The following ERBB4 variants were observed in gnomAD, a reference collection of about 807,000 sequenced individuals.
ERBB4 encodes the protein erb-b2 receptor tyrosine kinase 4.
Under a neutral mutation model 158.0 loss-of-function variants are expected in ERBB4, and 42 were observed. The ratio of observed to expected loss-of-function variants is 0.27; its 90% CI spans 0.21 to 0.34. The LOEUF is 0.34. Among genes scored for constraint, ERBB4 ranks in the 10% least tolerant of loss-of-function variants. The pLI is 1.00. For synonymous variants in ERBB4, 583 were observed against 558.7 expected (o/e 1.04, Z -0.61); for missense variants, 1,333 against 1,624.1 (o/e 0.82, Z 3.08).
At chr2:211,682,532 T>G (rs185907081) in intron 12 of ERBB4, among the ~76,000 whole-genome samples, 1 of 152,164 alleles carries the variant, frequency 6.6e-6, no homozygotes, top group South Asian at 2.1e-4. Context: ...CCCAGTTAGG[T>G]TGATATATAA....
At chr2:212,283,805 C>G (rs2085851218) in intron 1 of ERBB4, among the ~76,000 whole-genome samples, 1 of 151,978 alleles carries the variant, frequency 6.6e-6, no homozygotes, top group Non-Finnish European at 1.5e-5. Context: ...TGACATACCA[C>G]AGTGAAGAGT....
intron 19 of ERBB4, among the ~76,000 whole-genome samples, chr2:211,614,853 T>C (rs754762854): frequency 1.3e-5 from 2 of 152,046 alleles, no homozygotes; most frequent in African/African-American, 2.4e-5. Flanking sequence ...CACATGAACA[T>C]TTCTTCAGAA....
intron 1 of ERBB4, among the ~76,000 whole-genome samples, chr2:212,408,584 A>G (rs1409517615): frequency 6.6e-6 from 1 of 152,094 alleles, no homozygotes; most frequent in Non-Finnish European, 1.5e-5. Context: ...TCAAAGCTGT[A>G]GTGAACTATG....
chr2:211,810,399 G>T (rs986934859), intron 3 of ERBB4, among the ~76,000 whole-genome samples: 3 of 152,160 alleles, frequency 2.0e-5, no homozygotes, highest in Admixed American at 2.0e-4. Flanking sequence ...ATATATTTAG[G>T]ATAGTTAGCT....
At chr2:212,532,690 T>G (rs1477910625) in intron 1 of ERBB4, among the ~76,000 whole-genome samples, 1 of 152,194 alleles carries the variant, frequency 6.6e-6, no homozygotes, top group Non-Finnish European at 1.5e-5. Flanking sequence ...TAACTTTTAG[T>G]GCTTTATTCG....
intron 25 of ERBB4, among the ~76,000 whole-genome samples, chr2:211,406,166 T>G (rs762084136): frequency 9.9e-5 from 15 of 152,232 alleles, no homozygotes; most frequent in Admixed American, 2.0e-4. Context: ...CCTTAACGTA[T>G]TCTCTTTGTC....
At chr2:211,587,342 G>A (rs774076667) in intron 19 of ERBB4, among the ~76,000 whole-genome samples, 14 of 152,110 alleles carry the variant, frequency 9.2e-5, no homozygotes, top group African/African-American at 1.2e-4. Context: ...GCAACAGAGC[G>A]AGACTGTGTC....
intron 2 of ERBB4, among the ~76,000 whole-genome samples, chr2:212,025,343 C>T (rs972184758): frequency 7.2e-5 from 11 of 151,746 alleles, no homozygotes; most frequent in African/African-American, 2.4e-4. Flanking sequence ...AAGTATTATT[C>T]TTTGTTTAAC....
chr2:212,188,516 A>G (rs2082097411), intron 1 of ERBB4, among the ~76,000 whole-genome samples: 1 of 151,882 alleles, frequency 6.6e-6, no homozygotes, highest in Non-Finnish European at 1.5e-5. Flanking sequence ...TAATGATGGC[A>G]GTCTCCTACA....
chr2:212,000,234 C>T (rs907781823), intron 2 of ERBB4, among the ~76,000 whole-genome samples: 3 of 151,794 alleles, frequency 2.0e-5, no homozygotes, highest in Non-Finnish European at 4.4e-5. Flanking sequence ...GACTAATCCT[C>T]AGATAATACA....
chr2:211,731,027 A>G (rs1008522966), intron 5 of ERBB4, among the ~76,000 whole-genome samples: 1 of 152,148 alleles, frequency 6.6e-6, no homozygotes, highest in Non-Finnish European at 1.5e-5. Flanking sequence ...AAAATCAAAC[A>G]AACAAAAATT....
chr2:211,456,634 C>T (rs1490430123), intron 20 of ERBB4, among the ~76,000 whole-genome samples: 2 of 152,036 alleles, frequency 1.3e-5, no homozygotes, highest in Non-Finnish European at 2.9e-5. Context: ...TGGTTCCCAA[C>T]ATTTTAGGAT....
At chr2:211,846,880 A>C (rs2077602007) in intron 3 of ERBB4, among the ~76,000 whole-genome samples, 1 of 152,174 alleles carries the variant, frequency 6.6e-6, no homozygotes, top group Non-Finnish European at 1.5e-5. Flanking sequence ...ATCTAATAGC[A>C]TTCAACTGTA....
chr2:211,641,568 T>C (rs2070592988), intron 16 of ERBB4, among the ~76,000 whole-genome samples: 1 of 152,118 alleles, frequency 6.6e-6, no homozygotes, highest in Non-Finnish European at 1.5e-5. Flanking sequence ...ATTTAAAATT[T>C]GACATTAAAT....
At chr2:212,514,631 C>T (rs1490856487) in intron 1 of ERBB4, among the ~76,000 whole-genome samples, 1 of 152,052 alleles carries the variant, frequency 6.6e-6, no homozygotes, top group African/African-American at 2.4e-5. Context: ...ATGGTAAAAC[C>T]CCGTCTCTAC....
At position 212,345,265 on chromosome 2, in the gene ERBB4, C is replaced by CAAAAAAAAAAAAAAAA. The variant is rs367985477; in HGVS notation, c.82+193183_82+193184insTTTTTTTTTTTTTTTT. ...TGGGGGACAGAGCAAGACTCCGTCT[C>CAAAAAAAAAAAAAAAA]AAAAAAAAAAAAGCACTAAACACAT... On this transcript the variant is annotated intron_variant, in intron 1 of 27. Coordinates refer to ENST00000342788, the MANE Select transcript of ERBB4 (RefSeq NM_005235.3). Among the ~76,000 whole-genome samples the CAAAAAAAAAAAAAAAA allele has an allele frequency of 4.0e-4, 31 of 77,684 alleles. 5 individuals are homozygous for CAAAAAAAAAAAAAAAA. Among genetic ancestry groups the CAAAAAAAAAAAAAAAA allele is most frequent in the Admixed American group, 5.2e-4 (4 of 7,646 alleles). 51.0% of individuals were successfully genotyped at this position (77,684 alleles called of 152,430 possible).
At chr2:212,297,324 C>T (rs578195197) in intron 1 of ERBB4, among the ~76,000 whole-genome samples, 6 of 151,494 alleles carry the variant, frequency 4.0e-5, no homozygotes, top group Non-Finnish European at 5.9e-5. Context: ...GAACAAAGAA[C>T]GATTTGTTGT....
intron 20 of ERBB4, among the ~76,000 whole-genome samples, chr2:211,500,804 TGA>T (rs958122659): frequency 6.6e-6 from 1 of 152,102 alleles, no homozygotes. Context: ...TATCTCACAC[TGA>T]GAGCACTGGT....
At chr2:212,516,290 C>G (rs950289843) in intron 1 of ERBB4, among the ~76,000 whole-genome samples, 7 of 151,802 alleles carry the variant, frequency 4.6e-5, no homozygotes, top group African/African-American at 1.7e-4. Flanking sequence ...CTCAATATTT[C>G]TGAAATATAT....
Sources: gnomAD v4.1 joint callset for allele counts (sites outside exome capture counted in the v4.1 genomes callset) on GRCh38, gnomAD v4.1.1 for gene constraint, MANE v1.5 for transcripts, NCBI Gene and HGNC (gene_info 2026-07-23, HGNC 2026-07-21) for gene names.